DAPK1: variants seen among roughly 807,000 people sequenced by gnomAD.
DAPK1 encodes the protein death associated protein kinase 1, also known as death-associated protein kinase 1.
In DAPK1, 56 loss-of-function variants were observed where a neutral mutation model predicts 144.9. The ratio of observed to expected loss-of-function variants is 0.39; its 90% CI spans 0.31 to 0.48. DAPK1 has a LOEUF of 0.48. Ranked by LOEUF, DAPK1 falls within the 20% of genes least tolerant of loss-of-function variation. The probability of loss-of-function intolerance (pLI) is 0.95; values close to 1 mark genes in which losing one functional copy is unlikely to be tolerated. For missense variants in DAPK1, 1,454 were observed against 1,875.4 expected (o/e 0.78, Z 4.15); for synonymous variants, 690 against 749.0 (o/e 0.92, Z 1.29).
At position 87,497,980 on chromosome 9, in the gene DAPK1, G is replaced by A. The variant is rs774403833; in HGVS notation, c.-236G>A. ...AGGGTCTGGGGCCGGCGCCTGGGAGGGATCTGCGCCCCCCACTCACTCCCT... is the reference window on the plus strand; with the variant it reads ...AGGGTCTGGGGCCGGCGCCTGGGAGAGATCTGCGCCCCCCACTCACTCCCT... On this transcript the variant is annotated 5_prime_UTR_variant, in exon 1 of 26. Coordinates refer to ENST00000408954, the MANE Select transcript of DAPK1 (RefSeq NM_004938.4). 4 of 397,072 alleles carry A rather than the reference G, an allele frequency of 1.0e-5. No individual in the cohort carries two copies. Among genetic ancestry groups the A allele is most frequent in the African/African-American group, 4.1e-5 (2 of 48,574 alleles). 24.6% of individuals were successfully genotyped at this position (397,072 alleles called of 1,614,324 possible).
intron 2 of DAPK1, among the ~76,000 whole-genome samples, chr9:87,563,023 T>TA (rs1826988922): frequency 6.6e-6 from 1 of 152,114 alleles, no homozygotes; most frequent in Admixed American, 6.5e-5. Flanking sequence ...GGAAGGAGGG[T>TA]GATGATCCGC....
At chr9:87,658,453 T>A (rs950577063) in intron 18 of DAPK1, among the ~76,000 whole-genome samples, 4 of 152,134 alleles carry the variant, frequency 2.6e-5, no homozygotes, top group Non-Finnish European at 5.9e-5. Context: ...TAAATGCTCC[T>A]CTGCCCCAGG....
chr9:87,514,403 A>C (rs1034635635), intron 2 of DAPK1, among the ~76,000 whole-genome samples: 8 of 152,154 alleles, frequency 5.3e-5, no homozygotes, highest in African/African-American at 1.9e-4. Flanking sequence ...GACCTGGAGA[A>C]CCTGCTGGTG....
chr9:87,565,038 C>T (rs1827065080), intron 2 of DAPK1, among the ~76,000 whole-genome samples: 1 of 152,150 alleles, frequency 6.6e-6, no homozygotes, highest in African/African-American at 2.4e-5. Flanking sequence ...ACCAGGAAGA[C>T]CCTATCCACA....
At chr9:87,645,252 A>G (rs1384606730) in intron 11 of DAPK1, among the ~76,000 whole-genome samples, 8 of 152,052 alleles carry the variant, frequency 5.3e-5, no homozygotes, top group African/African-American at 1.9e-4. Context: ...TCTTCCAGTT[A>G]TTTTTCCTTT....
chr9:87,703,902 A>G lies in DAPK1; in HGVS notation c.3060+685A>G, dbSNP rs36219783. ...CCTTCGTGTTTCTCCACCATGTGAA[A>G]TTGGGAGCCTACATGAACTAGTGTG... On this transcript the variant is annotated intron_variant, in intron 25 of 25. Coordinates refer to ENST00000408954, the MANE Select transcript of DAPK1 (RefSeq NM_004938.4). Among the ~76,000 whole-genome samples the G allele has an allele frequency of 6.9e-3, 1,052 of 152,288 alleles. 6 individuals are homozygous for G. The highest frequency in any genetic ancestry group is 9.6e-3 in the Non-Finnish European group (652 of 68,018).
intron 3 of DAPK1, among the ~76,000 whole-genome samples, chr9:87,629,401 C>T (rs1829590269): frequency 6.6e-6 from 1 of 152,204 alleles, no homozygotes; most frequent in Non-Finnish European, 1.5e-5. Context: ...TCTGTAGACA[C>T]CTTGATTTTG....
chr9:87,525,607 G>C, intron 2 of DAPK1: 1 of 681,726 alleles, frequency 1.5e-6, no homozygotes, highest in Non-Finnish European at 2.5e-6. Context: ...CAAAATGTCA[G>C]TTTCCAAAAA....
In DAPK1 at chr9:87,549,044, C is replaced by G. The variant is rs560140964; in HGVS notation, c.62+49905C>G. Among the ~76,000 whole-genome samples the G allele has an allele frequency of 2.1e-4, 31 of 149,084 alleles. No homozygotes were observed. In the South Asian group the frequency reaches 6.0e-3, roughly 29 times the overall value. On this transcript the variant is annotated intron_variant, in intron 2 of 25. Coordinates refer to ENST00000408954, the MANE Select transcript of DAPK1 (RefSeq NM_004938.4). ...TTTGCTGCACAGATCATCCAATCACCTAGATATTAACCCAGTACCCATTAG... is the reference window on the plus strand; with the variant it reads ...TTTGCTGCACAGATCATCCAATCACGTAGATATTAACCCAGTACCCATTAG...
chr9:87,632,748 GGAA>G (rs1157733240), intron 3 of DAPK1: 1 of 981,020 alleles, frequency 1.0e-6, no homozygotes, highest in African/African-American at 1.8e-5. Context: ...ATATATGTAG[GGAA>G]GAAGGAGGAT....
intron 2 of DAPK1, among the ~76,000 whole-genome samples, chr9:87,507,308 G>A (rs1392079528): frequency 6.6e-6 from 1 of 152,192 alleles, no homozygotes; most frequent in African/African-American, 2.4e-5. Context: ...CGCCTCCTGG[G>A]TTCAAGCGAT....
chr9:87,683,992 A>AG (rs1276451407), intron 20 of DAPK1, among the ~76,000 whole-genome samples: 1 of 152,172 alleles, frequency 6.6e-6, no homozygotes, highest in Non-Finnish European at 1.5e-5. Context: ...CCTGGGCAGG[A>AG]GGCATAGCTC....
chr9:87,622,389 A>G (rs1021394528), intron 3 of DAPK1, among the ~76,000 whole-genome samples: 1 of 152,034 alleles, frequency 6.6e-6, no homozygotes, highest in Non-Finnish European at 1.5e-5. Flanking sequence ...GTACCTCACA[A>G]AACAGCACTA....
chr9:87,516,611 C>T (rs1365490496), intron 2 of DAPK1, among the ~76,000 whole-genome samples: 1 of 152,094 alleles, frequency 6.6e-6, no homozygotes, highest in Non-Finnish European at 1.5e-5. Flanking sequence ...TTCTTATTCT[C>T]TTAGGCCTCT....
chr9:87,593,030 G>A (rs59787105), intron 2 of DAPK1, among the ~76,000 whole-genome samples: 7,114 of 152,174 alleles, frequency 0.047, 564 homozygotes, highest in African/African-American at 0.16. Flanking sequence ...TTCTTTGCTG[G>A]GCTGACAGCC....
intron 3 of DAPK1, among the ~76,000 whole-genome samples, chr9:87,618,844 C>T (rs1370042024): frequency 6.6e-6 from 1 of 152,164 alleles, no homozygotes; most frequent in Non-Finnish European, 1.5e-5. Flanking sequence ...GGGATGGTTG[C>T]ATAACCCTGA....
At chr9:87,533,759 C>T (rs928214604) in intron 2 of DAPK1, among the ~76,000 whole-genome samples, 10 of 152,176 alleles carry the variant, frequency 6.6e-5, no homozygotes, top group African/African-American at 2.2e-4. Flanking sequence ...GCCTCTCTGG[C>T]TTAAGCGATT....
intron 2 of DAPK1, among the ~76,000 whole-genome samples, chr9:87,542,342 GATGCCAT>G (rs879588491): frequency 2.6e-5 from 4 of 152,186 alleles, no homozygotes; most frequent in Non-Finnish European, 4.4e-5. Context: ...CTAAGAGGCT[GATGCCAT>G]CATGCCCATT....
intron 2 of DAPK1, among the ~76,000 whole-genome samples, chr9:87,573,495 TGTAAGA>T (rs1827438733): frequency 6.6e-6 from 1 of 152,166 alleles, no homozygotes; most frequent in African/African-American, 2.4e-5. Flanking sequence ...GGGGTGAGTT[TGTAAGA>T]GTGGGGATAT....
Sources: gnomAD v4.1 joint callset for allele counts (sites outside exome capture counted in the v4.1 genomes callset) on GRCh38, gnomAD v4.1.1 for gene constraint, MANE v1.5 for transcripts, NCBI Gene and HGNC (gene_info 2026-07-23, HGNC 2026-07-21) for gene names.